Variants in SKAP1 observed in about 807,000 individuals in gnomAD.
The protein encoded by SKAP1 is src kinase associated phosphoprotein 1.
SKAP1 carries 44 observed loss-of-function variants against 58.5 expected under a neutral mutation model. That is an observed-to-expected ratio of 0.75 (90% CI 0.59 to 0.97). The LOEUF (loss-of-function observed/expected upper bound fraction) is 0.97. Among genes scored for constraint, SKAP1 ranks in the 50% least tolerant of loss-of-function variants. The pLI, the probability that SKAP1 is intolerant of heterozygous loss-of-function variation, is 0.00. For synonymous variants in SKAP1, 127 were observed against 149.7 expected (o/e 0.85, Z 1.11); for missense variants, 390 against 435.2 (o/e 0.90, Z 0.92).
chr17:48,396,581 G>A, intron 2 of SKAP1, 99 bp downstream of exon 2: 2 of 715,000 alleles, frequency 2.8e-6, no homozygotes, highest in Middle Eastern at 2.5e-4. Context: ...CAAGTATAAA[G>A]AACTATGATA....
chr17:48,432,316 C>T (rs1317130663), upstream of SKAP1, among the ~76,000 whole-genome samples: 4 of 152,068 alleles, frequency 2.6e-5, no homozygotes, highest in Non-Finnish European at 5.9e-5. Flanking sequence ...GTAATCCCAG[C>T]TACTCGGGTG....
chr17:48,389,382 C>T (rs1313161161), intron 2 of SKAP1, among the ~76,000 whole-genome samples: 1 of 152,218 alleles, frequency 6.6e-6, no homozygotes, highest in African/African-American at 2.4e-5. Flanking sequence ...TACTGCAAAG[C>T]ACTGCTGAGA....
At chr17:48,348,247 T>TG (rs1465957461) in intron 3 of SKAP1, among the ~76,000 whole-genome samples, 2 of 148,570 alleles carry the variant, frequency 1.3e-5, no homozygotes, top group African/African-American at 2.5e-5. Flanking sequence ...GGCTGAGACA[T>TG]GGGGGGATCG....
intron 4 of SKAP1, among the ~76,000 whole-genome samples, chr17:48,218,387 A>G (rs988260539): frequency 2.0e-5 from 3 of 152,332 alleles, no homozygotes; most frequent in African/African-American, 7.2e-5. Flanking sequence ...GGCAAACCCA[A>G]CATCAATATT....
chr17:48,139,135 T>C (rs1333592434), intron 11 of SKAP1, among the ~76,000 whole-genome samples: 3 of 151,976 alleles, frequency 2.0e-5, no homozygotes, highest in African/African-American at 7.3e-5. Flanking sequence ...CACCTCGGCC[T>C]CTCAGAGTGC....
At chr17:48,175,820 C>T (rs965302952) in intron 9 of SKAP1, among the ~76,000 whole-genome samples, 3 of 152,148 alleles carry the variant, frequency 2.0e-5, no homozygotes, top group African/African-American at 7.2e-5. Context: ...GTAGAAGAAA[C>T]AACATGATTC....
chr17:48,155,385 C>T (rs1362815548), intron 11 of SKAP1, among the ~76,000 whole-genome samples: 1 of 151,518 alleles, frequency 6.6e-6, no homozygotes, highest in Non-Finnish European at 1.5e-5. Context: ...GCCTCGGCCT[C>T]CCAAAGTGCT....
intron 4 of SKAP1, among the ~76,000 whole-genome samples, chr17:48,298,841 G>A (rs1219524884): frequency 6.6e-6 from 1 of 152,166 alleles, no homozygotes; most frequent in Non-Finnish European, 1.5e-5. Context: ...GAGGGATGCA[G>A]CATATGTTAG....
intron 2 of SKAP1, among the ~76,000 whole-genome samples, chr17:48,390,719 G>T (rs1382531806): frequency 6.6e-6 from 1 of 152,136 alleles, no homozygotes; most frequent in African/African-American, 2.4e-5. Context: ...CTTGATTGAG[G>T]AGCTCAGTAC....
chr17:48,335,929 G>A (rs1323856725), intron 4 of SKAP1, among the ~76,000 whole-genome samples: 1 of 152,116 alleles, frequency 6.6e-6, no homozygotes, highest in African/African-American at 2.4e-5. Flanking sequence ...ATGCGTATGC[G>A]TACGCACAGA....
At chr17:48,426,852 T>G (rs1040989619) in intron 1 of SKAP1, among the ~76,000 whole-genome samples, 1 of 151,724 alleles carries the variant, frequency 6.6e-6, no homozygotes, top group Non-Finnish European at 1.5e-5. Flanking sequence ...ATAGCGTGTT[T>G]TTTTTTTTTA....
chr17:48,286,460 TA>T (rs767822774), intron 4 of SKAP1, among the ~76,000 whole-genome samples: 3 of 152,238 alleles, frequency 2.0e-5, no homozygotes. Flanking sequence ...GTTTCCTTTA[TA>T]AAGCAATGTT....
intron 10 of SKAP1, among the ~76,000 whole-genome samples, chr17:48,167,021 C>T (rs138549055): frequency 3.6e-4 from 55 of 152,238 alleles, no homozygotes; most frequent in Admixed American, 9.2e-4. Flanking sequence ...CATGCCACCA[C>T]ACCCAGCTAA....
chr17:48,192,379 G>A (rs2064558697), intron 4 of SKAP1, among the ~76,000 whole-genome samples: 1 of 151,880 alleles, frequency 6.6e-6, no homozygotes. Context: ...TAAAAGACAT[G>A]TTAAACGTTC....
intron 3 of SKAP1, among the ~76,000 whole-genome samples, chr17:48,349,710 T>G (rs906179412): frequency 1.3e-5 from 2 of 152,166 alleles, no homozygotes; most frequent in Non-Finnish European, 2.9e-5. Context: ...CAGGATGATT[T>G]CTCTATTCTT....
chr17:48,195,676 G>A (rs541397069), intron 4 of SKAP1, among the ~76,000 whole-genome samples: 3 of 152,154 alleles, frequency 2.0e-5, no homozygotes, highest in Non-Finnish European at 4.4e-5. Flanking sequence ...GATGTAAGAA[G>A]CTAGGAAACA....
intron 1 of SKAP1, among the ~76,000 whole-genome samples, chr17:48,404,629 A>C (rs1393012799): frequency 2.0e-5 from 3 of 152,226 alleles, no homozygotes; most frequent in Non-Finnish European, 4.4e-5. Flanking sequence ...GGGTTTAATT[A>C]TGATTTTTTG....
At chr17:48,403,864 A>T (rs2067534072) in intron 1 of SKAP1, among the ~76,000 whole-genome samples, 3 of 152,254 alleles carry the variant, frequency 2.0e-5, no homozygotes, top group South Asian at 4.1e-4. Context: ...AGGCGGGCAG[A>T]CCACTTGAGG....
At chr17:48,316,474 A>T (rs968921741) in intron 4 of SKAP1, among the ~76,000 whole-genome samples, 11 of 152,136 alleles carry the variant, frequency 7.2e-5, no homozygotes, top group African/African-American at 2.7e-4. Flanking sequence ...GTTCTCAAAG[A>T]GATCTACTGT....
Sources: gnomAD v4.1 joint callset for allele counts (sites outside exome capture counted in the v4.1 genomes callset) on GRCh38, gnomAD v4.1.1 for gene constraint, MANE v1.5 for transcripts, NCBI Gene and HGNC (gene_info 2026-07-23, HGNC 2026-07-21) for gene names.